The following FER1L5 variants were observed in gnomAD, a reference collection of about 807,000 sequenced individuals.
The protein encoded by FER1L5 is fer-1-like protein 5.
Under a neutral mutation model 279.9 loss-of-function variants are expected in FER1L5, and 187 were observed. The observed-to-expected ratio is 0.67, with a 90% CI of 0.59 to 0.75. The LOEUF (loss-of-function observed/expected upper bound fraction) is 0.75. Among genes scored for constraint, FER1L5 ranks in the 30% least tolerant of loss-of-function variants. The pLI is 0.00. For synonymous variants in FER1L5, 921 were observed against 989.7 expected (o/e 0.93, Z 1.30); for missense variants, 2,091 against 2,594.4 (o/e 0.81, Z 4.21).
chr2:96,643,517 T>C (rs775924733), intron 1 of FER1L5, among the ~76,000 whole-genome samples: 31 of 151,986 alleles, frequency 2.0e-4, no homozygotes, highest in Non-Finnish European at 4.4e-4. Context: ...ACCCAGCTGA[T>C]TTTTGTCATT....
intron 23 of FER1L5, among the ~76,000 whole-genome samples, chr2:96,686,954 AC>A (rs2076953702): frequency 6.6e-6 from 1 of 151,580 alleles, no homozygotes; most frequent in African/African-American, 2.4e-5. Flanking sequence ...TCTTCCCTGG[AC>A]CGTGACGGGG....
Position 96,668,900 on chromosome 2 carries a change from G to A in FER1L5, c.1199G>A (p.Cys400Tyr), listed in dbSNP as rs1167302336. 9 of 1,551,586 alleles carry A rather than the reference G, an allele frequency of 5.8e-6. No individual in the cohort carries two copies. The highest frequency in any genetic ancestry group is 7.8e-6 in the Non-Finnish European group (9 of 1,146,966). ...FRVLDCRKKD[C>Y]PDEIGTASLS... ...TTTCTCTCTAGCCGCAAGAAGGACT[G>A]CCCGGATGAGATTGGGACTGCCAGC... The change falls in exon 16 of 53, where the codon TGC (cysteine) becomes TAC (tyrosine). Residue 400 changes from cysteine (C) to tyrosine (Y), a missense_variant. Coordinates refer to ENST00000624922, the MANE Select transcript of FER1L5 (RefSeq NM_001293083.2).
At chr2:96,692,066 C>T in intron 30 of FER1L5, 38 bp from the exon 31 acceptor site, 1 of 1,550,612 alleles carries the variant, frequency 6.4e-7, no homozygotes, top group Non-Finnish European at 8.7e-7. Context: ...CCGCTGGGGT[C>T]CTGGGGCAGG....
At chr2:96,659,342 C>CTTCCTTCCTTCCTTCCTTCTTTCT (rs2075765035) in intron 9 of FER1L5, among the ~76,000 whole-genome samples, 2 of 80,918 alleles carry the variant, frequency 2.5e-5, no homozygotes, top group East Asian at 8.4e-4. Flanking sequence ...TCCTTCCTTC[C>CTTCCTTCCTTCCTTCCTTCTTTCT]TTCCTTCCTT....
At position 96,694,342 on chromosome 2, in the gene FER1L5, C is replaced by T. The variant is rs72809820; in HGVS notation, c.3637-18C>T. 0.3 allele frequency: 460,250 copies of T among 1,536,610 alleles called. 73,657 individuals carry two copies. The highest frequency in any genetic ancestry group is 0.32 in the Non-Finnish European group (368,017 of 1,139,166). ...CAGGACCAGCCCAGAGGGCCTCATG[C>T]TCCCTGCCCTCCCCCAGAAGCTTGG... On this transcript the variant is annotated intron_variant, in intron 33 of 52. Coordinates refer to ENST00000624922, the MANE Select transcript of FER1L5 (RefSeq NM_001293083.2). This position sits in a 1 kb window ranked among gnomAD's most constrained non-coding sequence, Gnocchi z 4.6.
At chr2:96,700,287 G>A (rs200224065) in intron 44 of FER1L5, 45 bp from the exon 45 acceptor site, 414 of 1,607,088 alleles carry the variant, frequency 2.6e-4, no homozygotes, top group Non-Finnish European at 3.4e-4. Context: ...AGATAGGAAG[G>A]CTAATGACCT....
Position 96,650,291 on chromosome 2 carries a change from T to A in FER1L5, c.504+2T>A. ...TCCTCAAAGCCTCAGCACTTTCAGGTGAGGACCTTCCAGGTTGCAAGTTCA... is the reference window on the plus strand; with the variant it reads ...TCCTCAAAGCCTCAGCACTTTCAGGAGAGGACCTTCCAGGTTGCAAGTTCA... On this transcript the variant is annotated splice_donor_variant, in intron 6 of 52. Coordinates refer to ENST00000624922, the MANE Select transcript of FER1L5 (RefSeq NM_001293083.2). LOFTEE classifies it high-confidence loss of function. The A allele has an allele frequency of 6.4e-7, 1 of 1,551,030 alleles. No individual in the cohort carries two copies. The highest frequency in any genetic ancestry group is 8.7e-7 in the Non-Finnish European group (1 of 1,146,450).
intron 19 of FER1L5, 110 bp from the exon 20 acceptor site, chr2:96,684,217 C>A (rs2076837213): frequency 1.4e-6 from 2 of 1,395,688 alleles, no homozygotes; most frequent in African/African-American, 2.9e-5. Context: ...TAGCAGGTCA[C>A]ATCTTTGAGG....
intron 4 of FER1L5, among the ~76,000 whole-genome samples, chr2:96,649,046 T>A (rs1358410861): frequency 2.7e-5 from 2 of 75,418 alleles, no homozygotes; most frequent in African/African-American, 5.1e-5. Flanking sequence ...GGTGGGGGGG[T>A]GGGGTGGAGG....
In FER1L5 at chr2:96,689,826, C is replaced by T. The variant is rs552582145; in HGVS notation, c.2640+68C>T. The T allele has an allele frequency of 2.2e-6, 3 of 1,344,518 alleles. No homozygotes were observed. In the South Asian group the frequency reaches 4.3e-5, roughly 19 times the overall value. 83.3% of individuals were successfully genotyped at this position (1,344,518 alleles called of 1,614,324 possible). A position where few individuals can be genotyped will look rare whatever the true frequency, so the allele number is the denominator to read the frequency against. On this transcript the variant is annotated intron_variant, in intron 26 of 52. Transcript: ENST00000624922. The surrounding 1 kb of genome is among the most constrained non-coding windows in gnomAD (Gnocchi z 4.6). ...GCCACCAGGCGGGGCGCCTTGGAAG[C>T]TGGGGGTCCCAGTGGAAAGGGTCTG...
rs371864803 is a variant in FER1L5, at chr2:96,642,778, C to G, written c.-59C>G. 1 of 1,514,472 alleles carries G rather than the reference C, an allele frequency of 6.6e-7. No individual in the cohort carries two copies. The highest frequency in any genetic ancestry group is 8.9e-7 in the Non-Finnish European group (1 of 1,120,756). 93.8% of individuals were successfully genotyped at this position (1,514,472 alleles called of 1,614,324 possible). A position where few individuals can be genotyped will look rare whatever the true frequency, so the allele number is the denominator to read the frequency against. On this transcript the variant is annotated 5_prime_UTR_variant, in exon 1 of 53. Transcript: ENST00000624922. ...CTGGGAAAAGTCTTGGACTGAGGAG[C>G]TCCAAAAAGGAAGCTGTGGCGCTGC...
chr2:96,672,812 A>G (rs2076376736), intron 18 of FER1L5, among the ~76,000 whole-genome samples: 1 of 152,090 alleles, frequency 6.6e-6, no homozygotes, highest in Non-Finnish European at 1.5e-5. Flanking sequence ...TACCCTAACA[A>G]GGGAGGAGAC....
At position 96,691,266 on chromosome 2, in the gene FER1L5, G is replaced by C. The variant is rs1012433635; in HGVS notation, c.2820G>C (p.Ser940=). The change falls in exon 28 of 53, where the codon TCG becomes TCC. Residue 940 remains serine (S), a synonymous_variant. Transcript: ENST00000624922. The surrounding 1 kb of genome is among the most constrained non-coding windows in gnomAD (Gnocchi z 6.0). ...VWSPVEKTYH[S]CRRRRWARVR... Reference sequence around the variant, plus strand: ...GCCCGGTGGAGAAGACCTACCACTCGTGCCGCCGCCGGCGCTGGGCGCGTG... The same window carrying C: ...GCCCGGTGGAGAAGACCTACCACTCCTGCCGCCGCCGGCGCTGGGCGCGTG... 1 of 1,550,544 alleles carries C rather than the reference G, an allele frequency of 6.4e-7. No homozygotes were observed.
intron 6 of FER1L5, among the ~76,000 whole-genome samples, chr2:96,651,237 C>CTCTTTCTTTCTTTCTTTCTCTT (rs2075350966): frequency 7.8e-6 from 1 of 128,518 alleles, no homozygotes; most frequent in African/African-American, 3.0e-5. Flanking sequence ...TTCTTTCTTT[C>CTCTTTCTTTCTTTCTTTCTCTT]TCTTTCTTTC....
chr2:96,697,668 T>A lies in FER1L5; in HGVS notation c.4143T>A (p.Tyr1381Ter). The A allele has an allele frequency of 6.2e-7, 1 of 1,613,992 alleles. No homozygotes were observed. The highest frequency in any genetic ancestry group is 8.5e-7 in the Non-Finnish European group (1 of 1,179,882). Residue 1381 changes from tyrosine (Y) to a stop codon, truncating the protein, a stop_gained, in exon 39 of 53, where the codon TAT (tyrosine) becomes TAA (stop). Coordinates refer to ENST00000624922, the MANE Select transcript of FER1L5 (RefSeq NM_001293083.2). LOFTEE classifies it high-confidence loss of function. ...WFKSSKAEDE[Y>*]EHEVDWWSKL... ...ATCCTCTTCTCTGCCAGGATGAGTA[T>A]GAGCATGAGGTGGACTGGTGGAGCA...
Position 96,646,444 on chromosome 2 carries a change from G to A in FER1L5, c.129G>A (p.Val43=). 3 of 1,551,786 alleles carry A rather than the reference G, an allele frequency of 1.9e-6. No individual in the cohort carries two copies. The highest frequency in any genetic ancestry group is 2.6e-6 in the Non-Finnish European group (3 of 1,146,964). ...GTGTGGTGGAAGGGAATGATCCCGT[G>A]TGGAATGAGGTAGACAACAGGGCAA... is the stretch of plus-strand genomic sequence containing the variant. ...RTRVVEGNDP[V]WNETLIWHLW... Residue 43 remains valine (V), a synonymous_variant, in exon 2 of 53, where the codon GTG becomes GTA. Transcript: ENST00000624922.
At position 96,647,805 on chromosome 2, in the gene FER1L5, C is replaced by T. The variant is rs779884686; in HGVS notation, c.258C>T (p.Leu86=). 3.9e-6 allele frequency: 6 copies of T among 1,551,602 alleles called. No homozygotes were observed. Among genetic ancestry groups the T allele is most frequent in the Non-Finnish European group, 5.2e-6 (6 of 1,147,006 alleles). ...TCATTGGCCTGGCCACAGTACTGCT[C>T]AAGCCATTGTTGAAACAACCAAGTG... ...ERFIGLATVL[L]KPLLKQPSEV... is the part of the protein sequence containing the mutation. The change falls in exon 4 of 53, where the codon CTC becomes CTT. Residue 86 remains leucine (L), a synonymous_variant. Transcript: ENST00000624922.
chr2:96,649,987 A>G (rs1349227351), intron 5 of FER1L5, among the ~76,000 whole-genome samples, 193 bp from the exon 6 acceptor site: 1 of 152,242 alleles, frequency 6.6e-6, no homozygotes, highest in Non-Finnish European at 1.5e-5. Flanking sequence ...AGCAGGGTCC[A>G]GGGATCCATA....
chr2:96,669,295 T>C (rs949373424), intron 17 of FER1L5, among the ~76,000 whole-genome samples, 158 bp downstream of exon 17: 2 of 152,026 alleles, frequency 1.3e-5, no homozygotes, highest in African/African-American at 4.8e-5. Context: ...CACGTGCATG[T>C]GGGACAGGCG....
Sources: gnomAD v4.1 joint callset for allele counts (sites outside exome capture counted in the v4.1 genomes callset) on GRCh38, gnomAD v4.1.1 for gene constraint, Gnocchi (gnomAD v3.1) non-coding constraint, MANE v1.5 for transcripts, NCBI Gene and HGNC (gene_info 2026-07-23, HGNC 2026-07-21) for gene names.